FRMPD3: variants seen among roughly 807,000 people sequenced by gnomAD.
FRMPD3 encodes the protein FERM and PDZ domain-containing protein 3.
FRMPD3 carries 42 observed loss-of-function variants against 97.9 expected under a neutral mutation model. That is an observed-to-expected ratio of 0.43 (90% CI 0.34 to 0.55). The LOEUF (loss-of-function observed/expected upper bound fraction) is 0.55. FRMPD3 is among the 20% of genes least tolerant of loss of function. FRMPD3 has a pLI of 0.03. For synonymous variants in FRMPD3, 577 were observed against 581.1 expected (o/e 0.99, Z 0.10); for missense variants, 1,303 against 1,457.7 (o/e 0.89, Z 1.73).
At chrX:107,522,411 C>T (rs755317333) in intron 1 of FRMPD3, 9 of 555,904 alleles carry the variant, frequency 1.6e-5, no homozygotes, top group Non-Finnish European at 2.3e-5. Flanking sequence ...TGGGCTAGGA[C>T]GTAGAGTGCT....
chrX:107,551,859 A>G (rs779254921), intron 6 of FRMPD3, among the ~76,000 whole-genome samples: 2 of 112,820 alleles, frequency 1.8e-5, no homozygotes, highest in South Asian at 7.3e-4. Flanking sequence ...GATGCTCTGA[A>G]GTACCCACCA....
At chrX:107,528,118 AT>A (rs1922773851) in intron 2 of FRMPD3, among the ~76,000 whole-genome samples, 1 of 110,770 alleles carries the variant, frequency 9.0e-6, no homozygotes, top group Non-Finnish European at 1.9e-5. Context: ...AGAGAAGAAA[AT>A]CCCCAGGCAC....
At chrX:107,527,995 G>C (rs2147550927) in intron 2 of FRMPD3, among the ~76,000 whole-genome samples, 1 of 111,321 alleles carries the variant, frequency 9.0e-6, no homozygotes, top group African/African-American at 3.3e-5. Flanking sequence ...ACCACCAGGA[G>C]CCCCTACTTT....
intron 1 of FRMPD3, among the ~76,000 whole-genome samples, chrX:107,461,928 T>C (rs1486324603): frequency 9.4e-6 from 1 of 106,896 alleles, no homozygotes; most frequent in Non-Finnish European, 1.9e-5. Context: ...ACTTGGTGCT[T>C]ACTCTTATCC....
In FRMPD3 at chrX:107,472,652, C is replaced by A. The variant is rs148337058; in HGVS notation, c.-8+22647C>A. On this transcript the variant is annotated intron_variant, in intron 1 of 14. Coordinates refer to ENST00000683843, the MANE Select transcript of FRMPD3 (RefSeq NM_001388459.1). The stretch of plus-strand genomic sequence containing the variant: ...CTCACAGTAATGAAAGGTGCATGGG[C>A]TCCCTTGGGCCTGTTGGGTCTGAGG... Among the ~76,000 whole-genome samples, 290 of 111,900 alleles carry A rather than the reference C, an allele frequency of 2.6e-3. 4 individuals carry two copies. Among genetic ancestry groups the A allele is most frequent in the African/African-American group, 9.0e-3 (276 of 30,792 alleles).
chrX:107,473,721 G>A (rs1921124027), intron 1 of FRMPD3, among the ~76,000 whole-genome samples: 5 of 112,331 alleles, frequency 4.5e-5, no homozygotes, highest in African/African-American at 1.6e-4. Flanking sequence ...GTTTCCTTTT[G>A]AACACATTTC....
At chrX:107,461,774 C>T (rs190745920) in intron 1 of FRMPD3, among the ~76,000 whole-genome samples, 1 of 104,250 alleles carries the variant, frequency 9.6e-6, no homozygotes, top group African/African-American at 3.6e-5. Flanking sequence ...TATACATATA[C>T]ATATACATAT....
At position 107,471,255 on chromosome X, in the gene FRMPD3, C is replaced by CCCTTCCTTCCTTCCTTCCTTCTTT. The variant is rs1277650676; in HGVS notation, c.-8+21281_-8+21304dup. On this transcript the variant is annotated intron_variant, in intron 1 of 14. Coordinates refer to ENST00000683843, the MANE Select transcript of FRMPD3 (RefSeq NM_001388459.1). Reference sequence around the variant, plus strand: ...AGTGTCTGCTCCAAGCCTCTTCTTTCCCTTCCTTCCTTCCTTCCTTCTTTC... The same window carrying CCCTTCCTTCCTTCCTTCCTTCTTT: ...AGTGTCTGCTCCAAGCCTCTTCTTTCCCTTCCTTCCTTCCTTCCTTCTTTCCTTCCTTCCTTCCTTCCTTCTTTC... Among the ~76,000 whole-genome samples, 369 of 108,491 alleles carry CCCTTCCTTCCTTCCTTCCTTCTTT rather than the reference C, an allele frequency of 3.4e-3. 5 individuals carry two copies. The highest frequency in any genetic ancestry group is 0.012 in the African/African-American group (362 of 29,270). 94.2% of individuals were successfully genotyped at this position (108,491 alleles called of 115,157 possible).
At chrX:107,559,791 A>G (rs1223281722) in intron 8 of FRMPD3, among the ~76,000 whole-genome samples, 1 of 110,741 alleles carries the variant, frequency 9.0e-6, no homozygotes, top group Non-Finnish European at 1.9e-5. Context: ...CATCCCTGCA[A>G]TTCAGCTCTC....
At chrX:107,528,202 G>C (rs1922779541) in intron 2 of FRMPD3, among the ~76,000 whole-genome samples, 1 of 112,047 alleles carries the variant, frequency 8.9e-6, no homozygotes, top group Non-Finnish European at 1.9e-5. Flanking sequence ...CCGTAGTGCT[G>C]CTTCTGGCCC....
chrX:107,537,818 T>A (rs1343122421), intron 4 of FRMPD3, among the ~76,000 whole-genome samples: 1 of 111,653 alleles, frequency 9.0e-6, no homozygotes, highest in Non-Finnish European at 1.9e-5. Flanking sequence ...ATTTGCCTAC[T>A]CCCAAAAATT....
chrX:107,520,487 A>C (rs1314317188), intron 1 of FRMPD3, among the ~76,000 whole-genome samples: 1 of 101,478 alleles, frequency 9.9e-6, no homozygotes, highest in African/African-American at 4.0e-5. Context: ...TAAAAATACA[A>C]AAAAAAAAAA....
At position 107,601,035 on chromosome X, in the gene FRMPD3, T is replaced by C. The variant is rs1232092412; in HGVS notation, c.2996T>C (p.Met999Thr). The C allele has an allele frequency of 4.1e-6, 5 of 1,205,804 alleles. No homozygotes were observed. Among genetic ancestry groups the C allele is most frequent in the Non-Finnish European group, 5.6e-6 (5 of 892,954 alleles). The change falls in exon 15 of 15, where the codon ATG becomes ACG. Residue 999 changes from methionine (M) to threonine (T), a missense_variant. Around this residue, in one of 3 missense-constraint regions of FRMPD3, gnomAD observed 764 missense variants for 820.2 expected, o/e 0.93. Coordinates refer to ENST00000683843, the MANE Select transcript of FRMPD3 (RefSeq NM_001388459.1). ...ATGGGGAGGCCAGAGGTTAGCATGA[T>C]GAGCAGCAGTGCCAGTAAGAATCTG... is the stretch of plus-strand genomic sequence containing the variant. ...ASMGRPEVSM[M>T]SSSASKNLKF...
At chrX:107,477,805 C>T (rs1450145669) in intron 1 of FRMPD3, among the ~76,000 whole-genome samples, 1 of 111,710 alleles carries the variant, frequency 9.0e-6, no homozygotes, top group Non-Finnish European at 1.9e-5. Context: ...CTCCACAGCC[C>T]AGGAAACCCT....
chrX:107,459,962 A>G (rs767892567), intron 1 of FRMPD3, among the ~76,000 whole-genome samples: 21 of 110,104 alleles, frequency 1.9e-4, no homozygotes, highest in Non-Finnish European at 3.6e-4. Flanking sequence ...AGCGGCCTCC[A>G]GCACTTCCCT....
Position 107,576,447 on chromosome X carries a change from A to G in FRMPD3, c.1429A>G (p.Met477Val), listed in dbSNP as rs1295492029. The change falls in exon 13 of 15, where the codon ATG becomes GTG. Residue 477 changes from methionine (M) to valine (V), a missense_variant. Coordinates refer to ENST00000683843, the MANE Select transcript of FRMPD3 (RefSeq NM_001388459.1). ...TGCCAGCCAGCCACTTCCACCTCCA[A>G]TGATCAAGGCAGGTAGGGCTCAACC... The part of the protein sequence containing the change: ...RPASQPLPPP[M>V]IKADYMHSAH... 1 of 1,210,367 alleles carries G rather than the reference A, an allele frequency of 8.3e-7. No homozygotes were observed. The highest frequency in any genetic ancestry group is 1.8e-5 in the South Asian group (1 of 56,880).
At chrX:107,545,651 G>C (rs1045940574) in intron 4 of FRMPD3, 86 bp from the exon 5 acceptor site, 25 of 705,883 alleles carry the variant, frequency 3.5e-5, no homozygotes, top group Admixed American at 5.1e-5. Context: ...AAGTGTACCT[G>C]TACTGGGACA....
chrX:107,497,869 G>A (rs1377726096), intron 1 of FRMPD3, among the ~76,000 whole-genome samples: 4 of 111,795 alleles, frequency 3.6e-5, no homozygotes, highest in African/African-American at 1.3e-4. Context: ...TGGTGTTTTC[G>A]TGCCAACGTG....
At chrX:107,499,547 C>T (rs771056391) in intron 1 of FRMPD3, among the ~76,000 whole-genome samples, 13 of 111,769 alleles carry the variant, frequency 1.2e-4, no homozygotes, top group Admixed American at 1.9e-4. Context: ...CATTTAGATC[C>T]GGCTGAAACT....
Sources: gnomAD v4.1 joint callset for allele counts (sites outside exome capture counted in the v4.1 genomes callset) on GRCh38, gnomAD v4.1.1 for gene constraint, gnomAD v4.1.1 regional missense constraint, MANE v1.5 for transcripts, NCBI Gene and HGNC (gene_info 2026-07-23, HGNC 2026-07-21) for gene names.